ATP1B1: variants seen among roughly 807,000 people sequenced by gnomAD.
ATP1B1 encodes ATPase Na+/K+ transporting subunit beta 1.
Under a neutral mutation model 39.6 loss-of-function variants are expected in ATP1B1, and 3 were observed. The observed-to-expected ratio is 0.08, with a 90% CI of 0.03 to 0.20. The LOEUF (loss-of-function observed/expected upper bound fraction) is 0.20. Among genes scored for constraint, ATP1B1 ranks in the 10% least tolerant of loss-of-function variants. ATP1B1 has a pLI of 1.00. For synonymous variants in ATP1B1, 139 were observed against 135.0 expected, an observed-to-expected ratio of 1.03 and a Z score of -0.20; for missense variants, 216 against 371.1, an observed-to-expected ratio of 0.58 and a Z score of 3.43.
rs549455214 is a variant in ATP1B1 at position 169,116,828 on chromosome 1, G to A, written c.226+5330G>A. Among the ~76,000 whole-genome samples, 19 of 151,548 alleles carry A rather than the reference G, an allele frequency of 1.3e-4. No individual in the cohort carries two copies. The East Asian group carries it at 2.7e-3, about 22-fold the overall frequency. On this transcript the variant is annotated intron_variant, in intron 2 of 5. Transcript: ENST00000367815. ...ATCGTGCCACTGCACTCCAGCCTGGGCAACTAGAGCAAGACTCCATCTAAA... is the reference window on the plus strand; with the variant it reads ...ATCGTGCCACTGCACTCCAGCCTGGACAACTAGAGCAAGACTCCATCTAAA...
intron 2 of ATP1B1, among the ~76,000 whole-genome samples, chr1:169,118,474 C>T (rs1484327923): frequency 6.6e-6 from 1 of 152,172 alleles, no homozygotes; most frequent in Non-Finnish European, 1.5e-5. Context: ...TCAAAGGTGG[C>T]TAGTTTCCAG....
chr1:169,128,879 C>T (rs1373438408), intron 4 of ATP1B1, among the ~76,000 whole-genome samples: 2 of 152,166 alleles, frequency 1.3e-5, no homozygotes, highest in African/African-American at 4.8e-5. Flanking sequence ...TCTTTCTTTT[C>T]AGTCCTTTTT....
At chr1:169,127,528 C>A (rs553654428) in intron 4 of ATP1B1, 120 bp downstream of exon 4, 30 of 1,087,474 alleles carry the variant, frequency 2.8e-5, no homozygotes, top group Non-Finnish European at 3.7e-5. Context: ...TGAAACGTAG[C>A]CAGTAGAGTA....
At chr1:169,121,763 C>T (rs1421723036) in intron 2 of ATP1B1, among the ~76,000 whole-genome samples, 1 of 152,232 alleles carries the variant, frequency 6.6e-6, no homozygotes, top group Non-Finnish European at 1.5e-5. Context: ...AGGGTCACTC[C>T]TCCTTTCAGC....
At chr1:169,130,736 T>A (rs1658194953) in intron 5 of ATP1B1, among the ~76,000 whole-genome samples, 1 of 127,144 alleles carries the variant, frequency 7.9e-6, no homozygotes, top group African/African-American at 3.1e-5. Flanking sequence ...TGAGCTGAGA[T>A]CACGCCATTG....
chr1:169,124,808 T>C, intron 2 of ATP1B1, 76 bp from the exon 3 acceptor site: 1 of 1,515,170 alleles, frequency 6.6e-7, no homozygotes, highest in Non-Finnish European at 9.0e-7. Context: ...AAGTATGTTT[T>C]GTATGTGGAA....
At chr1:169,112,241 G>T (rs1657743851) in intron 2 of ATP1B1, among the ~76,000 whole-genome samples, 1 of 152,260 alleles carries the variant, frequency 6.6e-6, no homozygotes, top group Admixed American at 6.5e-5. Flanking sequence ...ACGAGTCCCT[G>T]CTGTGACTTG....
chr1:169,119,781 T>G (rs1343974883), intron 2 of ATP1B1, among the ~76,000 whole-genome samples: 1 of 150,144 alleles, frequency 6.7e-6, no homozygotes, highest in East Asian at 1.9e-4. Flanking sequence ...CTAAACCCAC[T>G]GTGAAGCTGA....
At chr1:169,125,908 G>A (rs867426651) in intron 3 of ATP1B1, among the ~76,000 whole-genome samples, 2 of 152,156 alleles carry the variant, frequency 1.3e-5, no homozygotes, top group East Asian at 3.9e-4. Flanking sequence ...CTGGGAGGTC[G>A]AGGCTGCAAT....
Position 169,128,346 on chromosome 1 carries a change from T to A in ATP1B1, c.567+938T>A, listed in dbSNP as rs182689038. On this transcript the variant is annotated intron_variant, in intron 4 of 5. Transcript: ENST00000367815. The stretch of plus-strand genomic sequence containing the variant: ...TTTTGTTCATTAATTTTCTATTGAA[T>A]GCTATTAATTTATTTCTACAATGCT... Among the ~76,000 whole-genome samples the A allele has an allele frequency of 1.8e-3, 276 of 152,350 alleles. 1 individual carries two copies. Among genetic ancestry groups the A allele is most frequent in the Middle Eastern group, 0.014 (4 of 294 alleles).
At chr1:169,110,592 T>C in intron 1 of ATP1B1, 1 of 1,145,878 alleles carries the variant, frequency 8.7e-7, no homozygotes, top group South Asian at 1.5e-5. Context: ...TTTTTGCTTT[T>C]GCAGCTATTT....
intron 4 of ATP1B1, among the ~76,000 whole-genome samples, chr1:169,127,884 A>T (rs1442448307): frequency 6.6e-6 from 1 of 152,210 alleles, no homozygotes; most frequent in African/African-American, 2.4e-5. Context: ...CATTTCAAAA[A>T]AATTGATAAT....
chr1:169,111,558 A>G (rs2101774835), intron 2 of ATP1B1, 60 bp downstream of exon 2: 12 of 1,566,214 alleles, frequency 7.7e-6, no homozygotes, highest in South Asian at 7.1e-5. Context: ...CACTTTTTCT[A>G]TTGAGAAAAA....
At chr1:169,110,586 T>TTTTTTTTTCA in intron 1 of ATP1B1, 3 of 898,572 alleles carry the variant, frequency 3.3e-6, no homozygotes, top group South Asian at 2.0e-5. Context: ...TTTTTTTTTT[T>TTTTTTTTTCA]GCTTTTGCAG....
chr1:169,107,467 A>C (rs1657622376), intron 1 of ATP1B1, among the ~76,000 whole-genome samples: 1 of 152,106 alleles, frequency 6.6e-6, no homozygotes, highest in Admixed American at 6.5e-5. Flanking sequence ...ATGGCTAAGG[A>C]TTTCCCTCCA....
chr1:169,126,563 A>T (rs1433866878), intron 3 of ATP1B1, among the ~76,000 whole-genome samples: 2 of 152,166 alleles, frequency 1.3e-5, no homozygotes, highest in East Asian at 3.9e-4. Context: ...ATTAAAAAAA[A>T]CTAGCCACAG....
At chr1:169,127,777 G>GT (rs138837087) in intron 4 of ATP1B1, among the ~76,000 whole-genome samples, 327 of 151,222 alleles carry the variant, frequency 2.2e-3, no homozygotes, top group African/African-American at 7.2e-3. Flanking sequence ...AAAAAAAAAA[G>GT]TTTTTTATTT....
At chr1:169,109,792 A>G (rs553211341) in intron 1 of ATP1B1, among the ~76,000 whole-genome samples, 26 of 152,152 alleles carry the variant, frequency 1.7e-4, no homozygotes, top group African/African-American at 5.8e-4. Context: ...GGGCAGCAAG[A>G]GGAAACTTGA....
At chr1:169,113,870 A>G (rs968121293) in intron 2 of ATP1B1, among the ~76,000 whole-genome samples, 1 of 152,110 alleles carries the variant, frequency 6.6e-6, no homozygotes, top group Non-Finnish European at 1.5e-5. Context: ...TTGGCCTGGT[A>G]ATTTCTGTCT....
Sources: gnomAD v4.1 joint callset for allele counts (sites outside exome capture counted in the v4.1 genomes callset) on GRCh38, gnomAD v4.1.1 for gene constraint, MANE v1.5 for transcripts, NCBI Gene and HGNC (gene_info 2026-07-23, HGNC 2026-07-21) for gene names.